ZMYM2: variants seen among roughly 807,000 people sequenced by gnomAD.
ZMYM2 encodes the protein zinc finger MYM-type protein 2.
Under a neutral mutation model 162.8 loss-of-function variants are expected in ZMYM2, and 56 were observed. The observed-to-expected ratio is 0.34, with a 90% CI of 0.28 to 0.43. The LOEUF is 0.43. Ranked by LOEUF, ZMYM2 falls within the 20% of genes least tolerant of loss-of-function variation. ZMYM2 has a pLI of 1.00. For synonymous variants in ZMYM2, 510 were observed against 541.6 expected (o/e 0.94, Z 0.81); for missense variants, 1,275 against 1,621.8 (o/e 0.79, Z 3.67).
rs759622802 is a variant in ZMYM2 at position 20,085,787 on chromosome 13, A to G, written c.3942-35A>G. On this transcript the variant is annotated intron_variant, in intron 24 of 24. Transcript: ENST00000610343. ...GAAAAAGTTGTGGAAATTTTGTGAA[A>G]TTGACTTTTTCTCTTTTTCCTCCCG... 7 of 1,560,236 alleles carry G rather than the reference A, an allele frequency of 4.5e-6. No individual in the cohort carries two copies. In the East Asian group the frequency reaches 1.4e-4, roughly 30 times the overall value.
chr13:19,971,020 A>G (rs1267672196), intron 2 of ZMYM2, among the ~76,000 whole-genome samples: 1 of 151,946 alleles, frequency 6.6e-6, no homozygotes, highest in Non-Finnish European at 1.5e-5. Context: ...ACAGCCTGAA[A>G]GAAGGCTTAG....
At chr13:19,976,280 A>G (rs1349074680) in intron 2 of ZMYM2, among the ~76,000 whole-genome samples, 1 of 151,586 alleles carries the variant, frequency 6.6e-6, no homozygotes, top group Non-Finnish European at 1.5e-5. Flanking sequence ...GTGAGCCAGG[A>G]TCATGCCACT....
chr13:20,059,142 C>T (rs1488278778), intron 15 of ZMYM2, among the ~76,000 whole-genome samples: 2 of 150,580 alleles, frequency 1.3e-5, no homozygotes, highest in Non-Finnish European at 3.0e-5. Flanking sequence ...TTAAATAAGC[C>T]TTTGGGGAGG....
At chr13:19,913,348 C>T in the ZMYM2 span, among the ~76,000 whole-genome samples, 4 of 152,122 alleles carry the variant, frequency 2.6e-5, no homozygotes, top group African/African-American at 4.8e-5. Flanking sequence ...CTCTGACCCA[C>T]CAAGCCATAA....
intron 6 of ZMYM2, among the ~76,000 whole-genome samples, chr13:20,007,472 G>A (rs569472491): frequency 6.6e-6 from 1 of 151,942 alleles, no homozygotes; most frequent in South Asian, 2.1e-4. Flanking sequence ...TTGATTTCTA[G>A]TTTTATTCCA....
At chr13:19,886,944 G>A in the ZMYM2 span, among the ~76,000 whole-genome samples, 12 of 151,464 alleles carry the variant, frequency 7.9e-5, 1 homozygote, top group African/African-American at 1.5e-4. Flanking sequence ...TTACAGACAT[G>A]AGCCACCATG....
chr13:19,916,508 T>C, the ZMYM2 span, among the ~76,000 whole-genome samples: 1 of 152,140 alleles, frequency 6.6e-6, no homozygotes, highest in East Asian at 1.9e-4. Context: ...GTGGCACATA[T>C]ACACAATGAA....
chr13:19,930,997 G>C, the ZMYM2 span, among the ~76,000 whole-genome samples: 9,610 of 151,530 alleles, frequency 0.063, 458 homozygotes, highest in Non-Finnish European at 0.092. Context: ...AAATTAGCCA[G>C]GCGCGGTGGC....
rs1435476049 is a variant in ZMYM2 at position 20,064,528 on chromosome 13, C to T, written c.3115C>T (p.Pro1039Ser). 3 of 1,584,978 alleles carry T rather than the reference C, an allele frequency of 1.9e-6. No individual in the cohort carries two copies. Among genetic ancestry groups the T allele is most frequent in the South Asian group, 1.2e-5 (1 of 86,254 alleles). ...CGAAGAATATGAGGAACAGCCCAGA[C>T]CTCGATCTAAAAAAAAGGTACATTC... The part of the protein sequence containing the change: ...FGEEYEEQPR[P>S]RSKKKGAKRK... The change falls in exon 19 of 25, where the codon CCT (proline) becomes TCT (serine). Residue 1039 changes from proline (P) to serine (S), a missense_variant. Physicochemically the swap from Pro to Ser is moderately conservative, Grantham distance 74. Coordinates refer to ENST00000610343, the MANE Select transcript of ZMYM2 (RefSeq NM_197968.4).
chr13:20,008,432 ATTG>A (rs1950918038), intron 6 of ZMYM2, among the ~76,000 whole-genome samples: 1 of 152,218 alleles, frequency 6.6e-6, no homozygotes, highest in South Asian at 2.1e-4. Context: ...TTCCCGCCCA[ATTG>A]TTGTTAATCT....
At chr13:19,921,235 G>A in the ZMYM2 span, among the ~76,000 whole-genome samples, 2 of 152,170 alleles carry the variant, frequency 1.3e-5, no homozygotes, top group Admixed American at 1.3e-4. Flanking sequence ...CACCTCCCAG[G>A]TTCAAGCGAT....
At chr13:19,966,700 C>T (rs765669079) in intron 2 of ZMYM2, among the ~76,000 whole-genome samples, 3 of 152,166 alleles carry the variant, frequency 2.0e-5, no homozygotes, top group Non-Finnish European at 2.9e-5. Flanking sequence ...CTTGGCCTCC[C>T]AAAGTGCTGG....
At position 20,085,825 on chromosome 13, in the gene ZMYM2, A is replaced by G. The variant is rs1958231226; in HGVS notation, c.3945A>G (p.Pro1315=). The change falls in exon 25 of 25, where the codon CCA becomes CCG. Residue 1315 remains proline (P), a synonymous_variant. Coordinates refer to ENST00000610343, the MANE Select transcript of ZMYM2 (RefSeq NM_197968.4). ...CTTTTTCCTCCCGCCTCCAAAGTCC[A>G]CAGAATCTTAATCAGAGGATGGATG... The part of the protein sequence containing the change: ...KMFECYLSKS[P]QNLNQRMDVF... 2 of 1,593,866 alleles carry G rather than the reference A, an allele frequency of 1.3e-6. No homozygotes were observed. Among genetic ancestry groups the G allele is most frequent in the African/African-American group, 2.7e-5 (2 of 74,176 alleles).
chr13:20,027,178 C>A (rs1389111175), intron 8 of ZMYM2, 25 bp from the exon 9 acceptor site: 2 of 1,487,016 alleles, frequency 1.3e-6, no homozygotes, highest in Admixed American at 4.8e-5. Context: ...ATAAACAAAT[C>A]AGATATGTAC....
At chr13:19,988,015 A>G (rs943211795) in intron 2 of ZMYM2, among the ~76,000 whole-genome samples, 3 of 152,228 alleles carry the variant, frequency 2.0e-5, no homozygotes, top group Non-Finnish European at 2.9e-5. Context: ...TCTGAGAGGA[A>G]TAGAGACTGG....
At chr13:19,898,381 C>T in the ZMYM2 span, among the ~76,000 whole-genome samples, 2 of 151,760 alleles carry the variant, frequency 1.3e-5, no homozygotes, top group African/African-American at 2.4e-5. Context: ...TACAGGCGCC[C>T]GCCACCATGC....
At chr13:19,934,050 G>A in the ZMYM2 span, among the ~76,000 whole-genome samples, 57 of 151,746 alleles carry the variant, frequency 3.8e-4, 1 homozygote, top group African/African-American at 5.1e-4. Context: ...ATTTTCTTCC[G>A]TACCCCACTT....
the ZMYM2 span, among the ~76,000 whole-genome samples, chr13:19,898,178 C>G: frequency 6.6e-6 from 1 of 151,298 alleles, no homozygotes; most frequent in African/African-American, 2.4e-5. Context: ...GGAAACAGAA[C>G]TAGAAGAAAG....
intron 3 of ZMYM2, among the ~76,000 whole-genome samples, chr13:19,997,511 G>A (rs532703762): frequency 1.3e-5 from 2 of 152,220 alleles, no homozygotes; most frequent in East Asian, 1.9e-4. Flanking sequence ...GTAGAAGTGT[G>A]TGTATGTGTG....
Sources: gnomAD v4.1 joint callset for allele counts (sites outside exome capture counted in the v4.1 genomes callset) on GRCh38, gnomAD v4.1.1 for gene constraint, MANE v1.5 for transcripts, NCBI Gene and HGNC (gene_info 2026-07-23, HGNC 2026-07-21) for gene names.